CKMT2: variants seen among roughly 807,000 people sequenced by gnomAD.
CKMT2 encodes the protein creatine kinase, mitochondrial 2.
A neutral mutation model predicts 48.9 loss-of-function variants in CKMT2; 43 were observed. The ratio of observed to expected loss-of-function variants is 0.88; its 90% CI spans 0.69 to 1.13. The LOEUF is 1.13. Among genes scored for constraint, CKMT2 ranks in the 50% most tolerant of loss-of-function variants. The pLI, the probability that CKMT2 is intolerant of heterozygous loss-of-function variation, is 0.00. For synonymous variants in CKMT2, 206 were observed against 213.0 expected (o/e 0.97, Z 0.29); for missense variants, 472 against 555.4 (o/e 0.85, Z 1.51).
chr5:81,239,904 T>C (rs73130869), intron 1 of CKMT2, among the ~76,000 whole-genome samples: 29,718 of 152,178 alleles, frequency 0.2, 3,128 homozygotes, highest in Admixed American at 0.28. Flanking sequence ...ATCTGCTCAC[T>C]TGTAAAATGG....
At chr5:81,261,680 C>T (rs2112825302) in intron 8 of CKMT2, among the ~76,000 whole-genome samples, 1 of 152,234 alleles carries the variant, frequency 6.6e-6, no homozygotes, top group Non-Finnish European at 1.5e-5. Context: ...CAAACCACTA[C>T]TCAGAAATAA....
In CKMT2 at chr5:81,252,772, G is replaced by C; in HGVS notation, c.230G>C (p.Arg77Pro). ...ACCCCCGCCATTTATGCCAAGCTTC[G>C]CAACAAGGTGACACCCAACGGCTAC... The part of the protein sequence containing the change: ...CLTPAIYAKL[R>P]NKVTPNGYTL... The change falls in exon 3 of 10, where the codon CGC (arginine) becomes CCC (proline). Residue 77 changes from arginine to proline, a missense_variant. Coordinates refer to ENST00000254035, the MANE Select transcript of CKMT2 (RefSeq NM_001099735.2). 1 of 1,614,184 alleles carries C rather than the reference G, an allele frequency of 6.2e-7. No individual in the cohort carries two copies. The highest frequency in any genetic ancestry group is 8.5e-7 in the Non-Finnish European group (1 of 1,180,030).
intron 1 of CKMT2, among the ~76,000 whole-genome samples, chr5:81,237,220 G>A (rs79326203): frequency 1.6e-3 from 239 of 152,314 alleles, no homozygotes; most frequent in African/African-American, 5.5e-3. Context: ...GGGGCAGGCC[G>A]AGTGCTGGCT....
chr5:81,246,378 G>A (rs1401439608), intron 1 of CKMT2, among the ~76,000 whole-genome samples: 1 of 151,892 alleles, frequency 6.6e-6, no homozygotes, highest in Admixed American at 6.6e-5. Flanking sequence ...GTCCAGATCT[G>A]TCCAGCTTTA....
chr5:81,247,541 G>C (rs1004685384), intron 1 of CKMT2, among the ~76,000 whole-genome samples: 1 of 152,184 alleles, frequency 6.6e-6, no homozygotes, highest in African/African-American at 2.4e-5. Context: ...ACTGCGCAGC[G>C]TTTTAAAGAC....
chr5:81,249,187 T>C (rs1349926500), intron 1 of CKMT2, among the ~76,000 whole-genome samples: 1 of 152,078 alleles, frequency 6.6e-6, no homozygotes, highest in African/African-American at 2.4e-5. Flanking sequence ...TAGCTGAGAC[T>C]ACACTACAGG....
At chr5:81,256,450 A>G (rs1203858960) in intron 5 of CKMT2, among the ~76,000 whole-genome samples, 1 of 152,230 alleles carries the variant, frequency 6.6e-6, no homozygotes, top group Non-Finnish European at 1.5e-5. Flanking sequence ...ATATTTATTG[A>G]TCATTACTGT....
intron 1 of CKMT2, among the ~76,000 whole-genome samples, chr5:81,243,287 G>A (rs1249325550): frequency 6.6e-6 from 1 of 152,242 alleles, no homozygotes; most frequent in African/African-American, 2.4e-5. Flanking sequence ...AACTGAGAGA[G>A]AATGCAGTCA....
intron 3 of CKMT2, among the ~76,000 whole-genome samples, 166 bp from the exon 4 acceptor site, chr5:81,254,230 T>C (rs1262037232): frequency 6.6e-6 from 1 of 152,168 alleles, no homozygotes; most frequent in African/African-American, 2.4e-5. Flanking sequence ...GTTGTTGTTA[T>C]TAACCAATCC....
At chr5:81,239,095 AGGCCGTGAACTGGGTGGTT>A (rs1269137984) in intron 1 of CKMT2, 1 of 152,182 alleles carries the variant, frequency 6.6e-6, no homozygotes, top group Non-Finnish European at 1.5e-5. Flanking sequence ...TGCTGTACAC[AGGCCGTGAACTGGGTGGTT>A]GGCCTTGCCC....
At chr5:81,236,802 T>G (rs1756257570) in intron 1 of CKMT2, among the ~76,000 whole-genome samples, 1 of 152,182 alleles carries the variant, frequency 6.6e-6, no homozygotes, top group Non-Finnish European at 1.5e-5. Flanking sequence ...GATCAGTAGA[T>G]CTGAAAGTAT....
chr5:81,242,957 T>C (rs1025122650), intron 1 of CKMT2, among the ~76,000 whole-genome samples: 3 of 152,256 alleles, frequency 2.0e-5, no homozygotes, highest in African/African-American at 7.2e-5. Flanking sequence ...TTTGTGACTC[T>C]GACTTACTTG....
intron 1 of CKMT2, among the ~76,000 whole-genome samples, chr5:81,236,746 T>C (rs949699657): frequency 6.6e-6 from 1 of 152,174 alleles, no homozygotes; most frequent in Non-Finnish European, 1.5e-5. Flanking sequence ...GGGAGCCCAA[T>C]TGGTTAAATC....
chr5:81,256,140 G>GT (rs1757001368), intron 5 of CKMT2, among the ~76,000 whole-genome samples: 3 of 152,062 alleles, frequency 2.0e-5, no homozygotes, highest in Admixed American at 2.0e-4. Context: ...GAGTATGTGT[G>GT]TAACTATGCA....
chr5:81,248,363 A>C (rs992599036), intron 1 of CKMT2, among the ~76,000 whole-genome samples: 1 of 152,212 alleles, frequency 6.6e-6, no homozygotes, highest in Non-Finnish European at 1.5e-5. Flanking sequence ...CACTTTAGTG[A>C]GTTCTACAGT....
At chr5:81,245,248 C>G (rs1012183600) in intron 1 of CKMT2, 2 of 152,154 alleles carry the variant, frequency 1.3e-5, no homozygotes, top group Non-Finnish European at 2.9e-5. Flanking sequence ...GGAGTAGCCA[C>G]CTCCCAGAAG....
intron 1 of CKMT2, among the ~76,000 whole-genome samples, chr5:81,249,050 CTCT>C (rs1326217768): frequency 6.7e-6 from 1 of 149,898 alleles, no homozygotes; most frequent in Non-Finnish European, 1.5e-5. Context: ...GAAATCCATG[CTCT>C]TTTTTTTTTT....
chr5:81,261,261 A>T, intron 8 of CKMT2, among the ~76,000 whole-genome samples: 1 of 151,894 alleles, frequency 6.6e-6, no homozygotes, highest in South Asian at 2.1e-4. Context: ...GCCAACAGGC[A>T]AAAGCTGGAA....
intron 6 of CKMT2, among the ~76,000 whole-genome samples, 158 bp from the exon 7 acceptor site, chr5:81,257,575 T>C (rs1258633060): frequency 1.3e-5 from 2 of 152,190 alleles, no homozygotes; most frequent in African/African-American, 4.8e-5. Flanking sequence ...CAAAGTAACA[T>C]TATTTTGTCA....
Sources: gnomAD v4.1 joint callset for allele counts (sites outside exome capture counted in the v4.1 genomes callset) on GRCh38, gnomAD v4.1.1 for gene constraint, MANE v1.5 for transcripts, NCBI Gene and HGNC (gene_info 2026-07-23, HGNC 2026-07-21) for gene names.